ATG10: variants seen among roughly 807,000 people sequenced by gnomAD.
ATG10 encodes the protein ubiquitin-like-conjugating enzyme ATG10.
ATG10 carries 30 observed loss-of-function variants against 32.1 expected under a neutral mutation model. That is an observed-to-expected ratio of 0.94 (90% CI 0.70 to 1.27). The LOEUF is 1.27. Among genes scored for constraint, ATG10 ranks in the 50% most tolerant of loss-of-function variants. ATG10 has a pLI of 0.00. For missense variants in ATG10, 233 were observed against 262.3 expected (o/e 0.89, Z 0.77); for synonymous variants, 87 against 91.5 (o/e 0.95, Z 0.28).
chr5:82,055,704 G>C (rs1202570962), intron 2 of ATG10, among the ~76,000 whole-genome samples: 4 of 152,062 alleles, frequency 2.6e-5, no homozygotes, highest in Non-Finnish European at 5.9e-5. Flanking sequence ...CAGACTTTGG[G>C]TAATTTTTCT....
chr5:81,983,738 T>A (rs1761154490), intron 1 of ATG10, among the ~76,000 whole-genome samples: 1 of 149,408 alleles, frequency 6.7e-6, no homozygotes, highest in African/African-American at 2.5e-5. Context: ...GGCTTCTCAC[T>A]TCTCAGACAG....
intron 5 of ATG10, among the ~76,000 whole-genome samples, chr5:82,183,497 G>A (rs1037964229): frequency 2.6e-5 from 4 of 151,760 alleles, no homozygotes; most frequent in Non-Finnish European, 5.9e-5. Context: ...ATTCAGGCTC[G>A]ATTTTTTGGC....
At chr5:82,086,519 A>G (rs187315361) in intron 3 of ATG10, among the ~76,000 whole-genome samples, 19 of 152,286 alleles carry the variant, frequency 1.2e-4, no homozygotes, top group Admixed American at 8.5e-4. Flanking sequence ...CTACATGGCT[A>G]TCTTAACTTT....
intron 5 of ATG10, among the ~76,000 whole-genome samples, chr5:82,206,718 A>G (rs1430214858): frequency 5.9e-5 from 9 of 152,142 alleles, no homozygotes; most frequent in Non-Finnish European, 1.5e-5. Flanking sequence ...TTATCACACA[A>G]CTCAATGATT....
chr5:82,034,228 G>T (rs898547643), intron 2 of ATG10, among the ~76,000 whole-genome samples: 5 of 151,828 alleles, frequency 3.3e-5, no homozygotes, highest in African/African-American at 9.7e-5. Context: ...CCCCCAACCT[G>T]TATCTTCCAC....
Position 81,972,161 on chromosome 5 carries a change from A to G in ATG10, c.-158A>G, listed in dbSNP as rs1395195371. On this transcript the variant is annotated 5_prime_UTR_variant, in exon 1 of 8. Transcript: ENST00000282185. ...CTTCCTCCGCCCTCGAGGCCCCCGC[A>G]GTCCCATCATTCAGTTCCGTAGGGT... 6.6e-6 allele frequency: 1 copy of G among 152,208 alleles called. No individual in the cohort carries two copies. Among genetic ancestry groups the G allele is most frequent in the Non-Finnish European group, 1.5e-5 (1 of 68,066 alleles). The allele number at this position is 152,208 out of a possible 1,614,324, so 9.4% of individuals were successfully genotyped here.
chr5:82,093,273 A>T (rs929237348), intron 3 of ATG10, among the ~76,000 whole-genome samples: 1 of 152,186 alleles, frequency 6.6e-6, no homozygotes, highest in Admixed American at 6.6e-5. Context: ...CACATAGCTC[A>T]CTGATGCTCT....
chr5:81,983,948 G>A (rs1193216188), intron 1 of ATG10, among the ~76,000 whole-genome samples: 15 of 150,964 alleles, frequency 9.9e-5, no homozygotes, highest in East Asian at 2.0e-4. Flanking sequence ...ATGGGATGGC[G>A]GCCGGGAAGA....
rs562499755 is a variant in ATG10, at chr5:82,070,818, C to A, written c.216+12216C>A. Among the ~76,000 whole-genome samples, 8 of 152,224 alleles carry A rather than the reference C, an allele frequency of 5.3e-5. No homozygotes were observed. In the East Asian group the frequency reaches 1.2e-3, roughly 22 times the overall value. ...GAATAAGTAATCTATAGTACCTGGACTTTTTCGTTATTTGTTCCAACTTCA... is the reference window on the plus strand; with the variant it reads ...GAATAAGTAATCTATAGTACCTGGAATTTTTCGTTATTTGTTCCAACTTCA... On this transcript the variant is annotated intron_variant, in intron 3 of 7. Coordinates refer to ENST00000282185, the MANE Select transcript of ATG10 (RefSeq NM_031482.5).
chr5:82,136,515 G>T (rs1766756882), intron 3 of ATG10, among the ~76,000 whole-genome samples: 1 of 152,146 alleles, frequency 6.6e-6, no homozygotes, highest in Admixed American at 6.5e-5. Flanking sequence ...GAAATTCTGG[G>T]TTGAAAATTC....
rs1466739246 is a variant in ATG10, at chr5:81,983,756, G to A, written c.-12-3803G>A. ...TTCTCACTTCTCAGACAGGGCGGCT[G>A]CTGGGCGGAGGGTCTCCTCACTTCT... On this transcript the variant is annotated intron_variant, in intron 1 of 7. Transcript: ENST00000282185. Among the ~76,000 whole-genome samples, 5 of 150,442 alleles carry A rather than the reference G, an allele frequency of 3.3e-5. No homozygotes were observed. In the East Asian group the frequency reaches 9.8e-4, roughly 29 times the overall value.
At chr5:82,131,439 A>G (rs193255793) in intron 3 of ATG10, among the ~76,000 whole-genome samples, 1 of 152,292 alleles carries the variant, frequency 6.6e-6, no homozygotes, top group East Asian at 1.9e-4. Flanking sequence ...GTGACATTAA[A>G]TAAGTCCTTT....
chr5:82,030,839 C>T (rs957043344), intron 2 of ATG10, among the ~76,000 whole-genome samples: 2 of 152,138 alleles, frequency 1.3e-5, no homozygotes, highest in Non-Finnish European at 2.9e-5. Context: ...TTGTGTGTTA[C>T]TGTTAAGCAA....
At chr5:82,058,267 A>C (rs980246492) in intron 2 of ATG10, among the ~76,000 whole-genome samples, 7 of 152,166 alleles carry the variant, frequency 4.6e-5, no homozygotes, top group Admixed American at 4.6e-4. Flanking sequence ...TTAATCTAGG[A>C]GGGTGGAAAC....
At chr5:82,223,001 A>G (rs900526087) in intron 5 of ATG10, among the ~76,000 whole-genome samples, 1 of 152,192 alleles carries the variant, frequency 6.6e-6, no homozygotes, top group Non-Finnish European at 1.5e-5. Flanking sequence ...AGGTTGGAAA[A>G]TCTTTCAAAG....
intron 5 of ATG10, among the ~76,000 whole-genome samples, chr5:82,214,956 A>G (rs1340390484): frequency 6.6e-6 from 1 of 152,260 alleles, no homozygotes; most frequent in Non-Finnish European, 1.5e-5. Flanking sequence ...AATATTTACT[A>G]AATAGCATGG....
chr5:82,135,109 C>T (rs748295604), intron 3 of ATG10, among the ~76,000 whole-genome samples: 28 of 152,042 alleles, frequency 1.8e-4, no homozygotes, highest in Non-Finnish European at 2.9e-4. Context: ...TTTGATTCTT[C>T]TCTGTTTTCT....
chr5:82,182,792 C>A (rs1362442714), intron 5 of ATG10, among the ~76,000 whole-genome samples: 3 of 152,152 alleles, frequency 2.0e-5, no homozygotes, highest in African/African-American at 4.8e-5. Context: ...TGTTCTGGAT[C>A]TTCACTGAAT....
intron 2 of ATG10, among the ~76,000 whole-genome samples, chr5:82,050,914 G>C (rs1204033587): frequency 6.6e-6 from 1 of 151,370 alleles, no homozygotes; most frequent in Non-Finnish European, 1.5e-5. Context: ...AAGAGACTGA[G>C]GCAGGAGGAT....
Sources: gnomAD v4.1 joint callset for allele counts (sites outside exome capture counted in the v4.1 genomes callset) on GRCh38, gnomAD v4.1.1 for gene constraint, MANE v1.5 for transcripts, NCBI Gene and HGNC (gene_info 2026-07-23, HGNC 2026-07-21) for gene names.